SUMF1: variants seen among roughly 807,000 people sequenced by gnomAD.
SUMF1 encodes sulfatase modifying factor 1.
SUMF1 carries 48 observed loss-of-function variants against 47.6 expected under a neutral mutation model. That is an observed-to-expected ratio of 1.01 (90% CI 0.80 to 1.28). The LOEUF is 1.28. Ranked by LOEUF, SUMF1 falls within the 50% of genes most tolerant of loss-of-function variation. The pLI is 0.00. For missense variants in SUMF1, 571 were observed against 485.4 expected (o/e 1.18, Z -1.66); for synonymous variants, 230 against 192.1 (o/e 1.20, Z -1.63).
intron 8 of SUMF1, among the ~76,000 whole-genome samples, chr3:4,201,828 G>T (rs576304918): frequency 6.6e-6 from 1 of 151,998 alleles, no homozygotes; most frequent in African/African-American, 2.4e-5. Flanking sequence ...TTTAATTGGG[G>T]TGAGATGATA....
chr3:4,152,531 G>T (rs1290124854), intron 8 of SUMF1, among the ~76,000 whole-genome samples: 2 of 150,660 alleles, frequency 1.3e-5, no homozygotes, highest in African/African-American at 5.0e-5. Flanking sequence ...GGGCTCAAGT[G>T]ATCCTCCCTC....
intron 8 of SUMF1, among the ~76,000 whole-genome samples, chr3:4,178,178 C>G (rs1263926617): frequency 6.6e-6 from 1 of 152,158 alleles, no homozygotes; most frequent in East Asian, 1.9e-4. Flanking sequence ...GGAATCCTCC[C>G]TAACTCATTT....
Position 4,318,704 on chromosome 3 carries a change from T to G in SUMF1, c.1014+57626A>C, listed in dbSNP as rs527353852. Among the ~76,000 whole-genome samples the G allele has an allele frequency of 4.6e-5, 7 of 152,222 alleles. No homozygotes were observed. The South Asian group carries it at 1.5e-3, about 32-fold the overall frequency. On this transcript the variant is annotated intron_variant and NMD_transcript_variant, in intron 8 of 12. Transcript: ENST00000448413. ...AGACAGATCACCTGAGGTCAGGAGT[T>G]CAAGACCAGCCTGGCCAATATGGCA...
chr3:4,166,828 G>A (rs946267862), intron 8 of SUMF1, among the ~76,000 whole-genome samples: 1 of 152,080 alleles, frequency 6.6e-6, no homozygotes. Flanking sequence ...CAGAAGTATA[G>A]GAAAAGCAGA....
chr3:4,386,304 T>C (rs1030628081), intron 7 of SUMF1, among the ~76,000 whole-genome samples: 1 of 152,212 alleles, frequency 6.6e-6, no homozygotes, highest in Non-Finnish European at 1.5e-5. Context: ...TGCATAGCTT[T>C]TAGCACACAT....
intron 8 of SUMF1, among the ~76,000 whole-genome samples, chr3:4,085,117 C>G (rs1486376490): frequency 6.6e-6 from 1 of 151,880 alleles, no homozygotes; most frequent in Non-Finnish European, 1.5e-5. Context: ...AATCAGGGCC[C>G]CATCAAATAG....
downstream of SUMF1, among the ~76,000 whole-genome samples, chr3:4,356,157 T>C (rs189624966): frequency 2.6e-5 from 4 of 152,342 alleles, no homozygotes; most frequent in Non-Finnish European, 4.4e-5. Context: ...GTTTTAAGCA[T>C]TTGAAACAAC....
chr3:4,272,040 G>C (rs1005753554), intron 8 of SUMF1, among the ~76,000 whole-genome samples: 1 of 152,116 alleles, frequency 6.6e-6, no homozygotes, highest in African/African-American at 2.4e-5. Flanking sequence ...GCCCTCTCTT[G>C]GTAGATACTG....
At chr3:4,305,261 T>A (rs1698145229) in intron 8 of SUMF1, among the ~76,000 whole-genome samples, 1 of 152,052 alleles carries the variant, frequency 6.6e-6, no homozygotes, top group African/African-American at 2.4e-5. Flanking sequence ...GATTTTTGTA[T>A]TTTTAGTAGA....
At chr3:4,127,300 T>TAATATTGGGTGTC (rs1693676678) in intron 8 of SUMF1, among the ~76,000 whole-genome samples, 1 of 152,130 alleles carries the variant, frequency 6.6e-6, no homozygotes, top group African/African-American at 2.4e-5. Context: ...TTGTGGTGGT[T>TAATATTGGGTGTC]AATATTGGGT....
intron 8 of SUMF1, among the ~76,000 whole-genome samples, chr3:4,176,268 G>C (rs924869339): frequency 6.6e-6 from 1 of 152,084 alleles, no homozygotes; most frequent in African/African-American, 2.4e-5. Context: ...GAAGGAAAAA[G>C]TATTAAGGGC....
intron 8 of SUMF1, among the ~76,000 whole-genome samples, chr3:4,278,644 T>C (rs960591108): frequency 6.6e-6 from 1 of 152,102 alleles, no homozygotes; most frequent in Non-Finnish European, 1.5e-5. Flanking sequence ...ATACGTTATC[T>C]CCCTCAAGTG....
intron 8 of SUMF1, among the ~76,000 whole-genome samples, chr3:4,273,700 C>T (rs532213653): frequency 9.4e-5 from 8 of 85,316 alleles, no homozygotes; most frequent in African/African-American, 2.7e-4. Flanking sequence ...AGGGAGGATA[C>T]GGGAGGGAGG....
intron 8 of SUMF1, among the ~76,000 whole-genome samples, chr3:4,122,045 G>A (rs766858188): frequency 3.8e-4 from 58 of 151,490 alleles, no homozygotes; most frequent in Non-Finnish European, 6.6e-4. Context: ...GGACATGATC[G>A]CGTTCTTTTT....
intron 8 of SUMF1, among the ~76,000 whole-genome samples, chr3:4,178,803 G>A (rs1695029502): frequency 6.6e-6 from 1 of 152,090 alleles, no homozygotes; most frequent in Non-Finnish European, 1.5e-5. Context: ...CACAGTCTCA[G>A]CCCAAAATCT....
At chr3:4,164,826 T>C (rs1399980128) in intron 8 of SUMF1, among the ~76,000 whole-genome samples, 1 of 152,150 alleles carries the variant, frequency 6.6e-6, no homozygotes, top group Non-Finnish European at 1.5e-5. Context: ...ACTTATCTTT[T>C]AGGATAAATT....
intron 8 of SUMF1, among the ~76,000 whole-genome samples, chr3:4,266,273 A>G (rs1697193313): frequency 6.6e-6 from 1 of 152,164 alleles, no homozygotes; most frequent in South Asian, 2.1e-4. Context: ...GAAGAAAGTC[A>G]TTGGTAGCTT....
chr3:4,180,952 T>C (rs1324057973), intron 8 of SUMF1, among the ~76,000 whole-genome samples: 1 of 152,144 alleles, frequency 6.6e-6, no homozygotes, highest in African/African-American at 2.4e-5. Flanking sequence ...AAAAACATGC[T>C]TACAATTCAT....
intron 8 of SUMF1, among the ~76,000 whole-genome samples, chr3:4,137,421 A>G (rs1488142128): frequency 7.1e-6 from 1 of 141,570 alleles, no homozygotes; most frequent in African/African-American, 2.6e-5. Flanking sequence ...GAATTGAACT[A>G]TGAGAACACT....
Sources: gnomAD v4.1 joint callset for allele counts (sites outside exome capture counted in the v4.1 genomes callset) on GRCh38, gnomAD v4.1.1 for gene constraint, MANE v1.5 for transcripts, NCBI Gene and HGNC (gene_info 2026-07-23, HGNC 2026-07-21) for gene names.